The following FBN1 variants were observed in gnomAD, a reference collection of about 807,000 sequenced individuals.
The protein encoded by FBN1 is fibrillin 1, also known as fibrillin-1.
In FBN1, 29 loss-of-function variants were observed where a neutral mutation model predicts 365.1. The ratio of observed to expected loss-of-function variants is 0.08; its 90% CI spans 0.06 to 0.11. The LOEUF (loss-of-function observed/expected upper bound fraction) is 0.11. FBN1 is among the 10% of genes least tolerant of loss of function. The pLI, the probability that FBN1 is intolerant of heterozygous loss-of-function variation, is 1.00. For synonymous variants in FBN1, 1,210 were observed against 1,270.5 expected (o/e 0.95, Z 1.01); for missense variants, 2,476 against 3,703.2 (o/e 0.67, Z 8.60).
At chr15:48,448,627 C>A in intron 46 of FBN1, 141 bp downstream of exon 46, 1 of 717,374 alleles carries the variant, frequency 1.4e-6, no homozygotes, top group Non-Finnish European at 2.3e-6. Context: ...TAGGATATCA[C>A]TGCTGCATAT....
At chr15:48,568,057 A>AAAGAAAGAAGAAAG (rs1566928796) in intron 6 of FBN1, among the ~76,000 whole-genome samples, 1 of 113,016 alleles carries the variant, frequency 8.8e-6, no homozygotes, top group African/African-American at 3.3e-5. Flanking sequence ...AAGAAGAAAG[A>AAAGAAAGAAGAAAG]AAGAAAGAAA....
At chr15:48,494,822 G>C (rs1315122226) in intron 22 of FBN1, among the ~76,000 whole-genome samples, 1 of 152,168 alleles carries the variant, frequency 6.6e-6, no homozygotes, top group Admixed American at 6.5e-5. Context: ...AAGATAATCT[G>C]TACCTATAAA....
At chr15:48,534,044 C>G (rs1362179654) in intron 8 of FBN1, 36 bp downstream of exon 8, 2 of 1,611,136 alleles carry the variant, frequency 1.2e-6, no homozygotes, top group African/African-American at 1.3e-5. Context: ...CCTGCCCCCA[C>G]TACACCCCCC....
intron 6 of FBN1, among the ~76,000 whole-genome samples, chr15:48,542,873 C>T (rs2044069062): frequency 6.7e-6 from 1 of 148,558 alleles, no homozygotes; most frequent in African/African-American, 2.5e-5. Context: ...GAAGAGTACT[C>T]GTGTGCCATG....
intron 57 of FBN1, 190 bp from the exon 58 acceptor site, chr15:48,427,963 C>CA (rs1272425882): frequency 1.4e-6 from 1 of 703,716 alleles, no homozygotes; most frequent in Non-Finnish European, 2.6e-6. Flanking sequence ...ACAAATAAGA[C>CA]ATTCAGTAAG....
intron 15 of FBN1, among the ~76,000 whole-genome samples, chr15:48,507,532 A>G (rs2043720538): frequency 6.6e-6 from 1 of 152,200 alleles, no homozygotes; most frequent in South Asian, 2.1e-4. Context: ...TGTGAAGGTC[A>G]TAGAGAATGT....
chr15:48,456,101 C>T (rs146457314), intron 44 of FBN1, among the ~76,000 whole-genome samples: 1 of 152,322 alleles, frequency 6.6e-6, no homozygotes, highest in Non-Finnish European at 1.5e-5. Flanking sequence ...AGTACATATA[C>T]ATGGCAACAG....
At chr15:48,620,467 T>C in intron 2 of FBN1, among the ~76,000 whole-genome samples, 1 of 152,218 alleles carries the variant, frequency 6.6e-6, no homozygotes, top group East Asian at 1.9e-4. Context: ...GTGAGGAAGC[T>C]GGGCCATAGA....
chr15:48,532,683 T>C (rs2043984004), intron 8 of FBN1, among the ~76,000 whole-genome samples: 1 of 152,152 alleles, frequency 6.6e-6, no homozygotes, highest in Admixed American at 6.6e-5. Context: ...CAAGACACCA[T>C]TCCTTAATAT....
In FBN1 at chr15:48,627,913, A is replaced by T. The variant is rs563441593; in HGVS notation, c.165-14821T>A. On this transcript the variant is annotated intron_variant, in intron 2 of 65. Transcript: ENST00000316623. ...TGCCAGCACAAAGTTTCAACATGAC[A>T]ACTTCTGAAGTGGTGATGATGATGT... 2.6e-5 allele frequency among the ~76,000 whole-genome samples: 4 copies of T among 152,344 alleles called. No homozygotes were observed. The South Asian group carries it at 8.3e-4, about 32-fold the overall frequency.
At chr15:48,420,898 C>T in intron 62 of FBN1, 92 bp from the exon 63 acceptor site, 5 of 1,430,006 alleles carry the variant, frequency 3.5e-6, no homozygotes. Flanking sequence ...CCTACACATC[C>T]TACACATTAT....
chr15:48,603,780 G>C (rs2044585251), intron 4 of FBN1, among the ~76,000 whole-genome samples: 2 of 152,104 alleles, frequency 1.3e-5, no homozygotes, highest in African/African-American at 2.4e-5. Context: ...AAAACACTAG[G>C]GGAATCAAAG....
chr15:48,642,079 G>C lies in FBN1; in HGVS notation c.164+2527C>G, dbSNP rs943997782. The C allele has an allele frequency of 1.1e-4, 17 of 152,184 alleles. 1 individual carries two copies. The highest frequency in any genetic ancestry group is 3.9e-4 in the Admixed American group (6 of 15,280). 9.4% of individuals were successfully genotyped at this position (152,184 alleles called of 1,614,324 possible). On this transcript the variant is annotated intron_variant, in intron 2 of 65. Transcript: ENST00000316623. ...TAGGGAACTGTTCCAGTGACATAAT[G>C]AGGTTCTATACAACAAGAAAATGGG...
intron 42 of FBN1, among the ~76,000 whole-genome samples, chr15:48,461,827 T>C (rs930077468): frequency 2.0e-5 from 3 of 152,206 alleles, no homozygotes; most frequent in African/African-American, 7.2e-5. Flanking sequence ...AAAGTTTTAT[T>C]TATGGGAAAC....
intron 63 of FBN1, chr15:48,416,820 T>A (rs544129670): frequency 1.2e-4 from 19 of 152,350 alleles, no homozygotes; most frequent in African/African-American, 4.3e-4. Flanking sequence ...TTCATTTGAA[T>A]GTAGATAGAT....
At chr15:48,591,821 G>A (rs569197600) in intron 6 of FBN1, among the ~76,000 whole-genome samples, 10 of 151,620 alleles carry the variant, frequency 6.6e-5, no homozygotes, top group East Asian at 3.9e-4. Flanking sequence ...TTAGAGTTAC[G>A]AGTGGCCCCT....
chr15:48,468,517 C>A lies in FBN1; in HGVS notation c.4477G>T (p.Asp1493Tyr), dbSNP rs1335270768. ...TTCCCACTGATGCACGTGGTTGGAT[C>A]CAGGCATTCATTCACATCTAAAACC... is the stretch of plus-strand genomic sequence containing the variant. ...GNCTDVNECL[D>Y]PTTCISGNCV... is the part of the protein sequence containing the mutation. The change falls in exon 37 of 66, where the codon GAT becomes TAT. Residue 1493 changes from aspartate to tyrosine, a missense_variant. Physicochemically the swap from Asp to Tyr is radical, Grantham distance 160 (BLOSUM62 -3). This residue lies in a region of FBN1 where 1,780 missense variants were observed against 2,840.8 expected (regional missense o/e 0.63). Coordinates refer to ENST00000316623, the MANE Select transcript of FBN1 (RefSeq NM_000138.5). The A allele has an allele frequency of 6.2e-7, 1 of 1,613,928 alleles. No homozygotes were observed. The highest frequency in any genetic ancestry group is 8.5e-7 in the Non-Finnish European group (1 of 1,179,988).
intron 6 of FBN1, among the ~76,000 whole-genome samples, chr15:48,559,172 C>T (rs368641797): frequency 6.6e-6 from 1 of 152,156 alleles, no homozygotes; most frequent in African/African-American, 2.4e-5. Flanking sequence ...GGAGTGAGAG[C>T]GTTGTGTGCT....
At chr15:48,592,552 T>C (rs2044485769) in intron 6 of FBN1, among the ~76,000 whole-genome samples, 1 of 152,014 alleles carries the variant, frequency 6.6e-6, no homozygotes. Context: ...ACCACTGAGC[T>C]AAGAAGTGAT....
Sources: gnomAD v4.1 joint callset for allele counts (sites outside exome capture counted in the v4.1 genomes callset) on GRCh38, gnomAD v4.1.1 for gene constraint, gnomAD v4.1.1 regional missense constraint, MANE v1.5 for transcripts, NCBI Gene and HGNC (gene_info 2026-07-23, HGNC 2026-07-21) for gene names.